PKP4: variants seen among roughly 807,000 people sequenced by gnomAD.
PKP4 encodes plakophilin-4.
Under a neutral mutation model 145.1 loss-of-function variants are expected in PKP4, and 90 were observed. The observed-to-expected ratio is 0.62, with a 90% confidence interval of 0.52 to 0.74. PKP4 has a LOEUF of 0.74. Among genes scored for constraint, PKP4 ranks in the 30% least tolerant of loss-of-function variants. The pLI is 0.00. For synonymous variants in PKP4, 563 were observed against 577.2 expected (o/e 0.98, Z 0.35); for missense variants, 1,340 against 1,482.7 (o/e 0.90, Z 1.58).
chr2:158,571,507 G>GT (rs2047405504), intron 2 of PKP4, among the ~76,000 whole-genome samples: 1 of 152,172 alleles, frequency 6.6e-6, no homozygotes, highest in African/African-American at 2.4e-5. Context: ...TGGGTTTGGG[G>GT]TGTGGAGGAA....
intron 11 of PKP4, among the ~76,000 whole-genome samples, chr2:158,645,387 C>T (rs567469186): frequency 4.6e-5 from 7 of 152,190 alleles, no homozygotes; most frequent in East Asian, 1.9e-4. Context: ...ACTGTGATTA[C>T]GCCCACAAAT....
intron 8 of PKP4, among the ~76,000 whole-genome samples, 200 bp downstream of exon 8, chr2:158,632,141 A>G (rs762024077): frequency 2.6e-5 from 4 of 152,348 alleles, no homozygotes; most frequent in East Asian, 1.9e-4. Flanking sequence ...TTACCTTAGT[A>G]CATTCTAATC....
intron 2 of PKP4, among the ~76,000 whole-genome samples, chr2:158,535,566 T>G (rs1439726420): frequency 6.6e-6 from 1 of 152,050 alleles, no homozygotes; most frequent in Non-Finnish European, 1.5e-5. Context: ...TGTGCTACCG[T>G]GCCCAGCTAA....
At chr2:158,663,140 AG>A (rs1402263253) in intron 14 of PKP4, 52 bp downstream of exon 14, 2 of 1,530,022 alleles carry the variant, frequency 1.3e-6, no homozygotes, top group Non-Finnish European at 1.8e-6. Context: ...TCTGGGAGTG[AG>A]GAATCACATA....
chr2:158,598,135 A>C (rs1558863292), intron 3 of PKP4, among the ~76,000 whole-genome samples: 1 of 152,192 alleles, frequency 6.6e-6, no homozygotes, highest in Non-Finnish European at 1.5e-5. Flanking sequence ...GATTTTTTTA[A>C]ATAAAGCAGT....
intron 1 of PKP4, among the ~76,000 whole-genome samples, chr2:158,479,009 T>C (rs539371692): frequency 6.6e-6 from 1 of 152,336 alleles, no homozygotes; most frequent in East Asian, 1.9e-4. Context: ...TCCCACCCAC[T>C]AAGTACTTCC....
intron 4 of PKP4, among the ~76,000 whole-genome samples, chr2:158,619,941 AC>A (rs2052035631): frequency 6.5e-5 from 3 of 46,332 alleles, no homozygotes; most frequent in Non-Finnish European, 1.8e-4. Context: ...ACACACACAC[AC>A]ACGCACACAC....
At chr2:158,501,360 C>T (rs1696533483) in intron 1 of PKP4, among the ~76,000 whole-genome samples, 1 of 152,192 alleles carries the variant, frequency 6.6e-6, no homozygotes, top group Non-Finnish European at 1.5e-5. Context: ...TAAAATGAAC[C>T]ATTTTATTTC....
At position 158,479,966 on chromosome 2, in the gene PKP4, T is replaced by C. The variant is rs573703795; in HGVS notation, c.-6+22748T>C. Among the ~76,000 whole-genome samples, 31 of 152,338 alleles carry C rather than the reference T, an allele frequency of 2.0e-4. No homozygotes were observed. The South Asian group carries it at 2.7e-3, about 13-fold the overall frequency. On this transcript the variant is annotated intron_variant, in intron 1 of 21. Coordinates refer to ENST00000389759, the MANE Select transcript of PKP4 (RefSeq NM_003628.6). Reference sequence around the variant, plus strand: ...GGGCTGCTCATGTGGCTTAAATGTTTGTATCCTTCGTCAGCTGAGGAGGAT... The same window carrying C: ...GGGCTGCTCATGTGGCTTAAATGTTCGTATCCTTCGTCAGCTGAGGAGGAT...
At chr2:158,664,177 T>C (rs1314763706) in intron 15 of PKP4, among the ~76,000 whole-genome samples, 7 of 152,094 alleles carry the variant, frequency 4.6e-5, no homozygotes, top group Non-Finnish European at 1.5e-5. Context: ...GAAGCAGGGA[T>C]TGGATTTGGG....
rs1693982206 is a variant in PKP4, at chr2:158,485,135, A to G, written c.-6+27917A>G. On this transcript the variant is annotated intron_variant, in intron 1 of 21. Transcript: ENST00000389759. ...GGCCTTTTGTGGCCCACCCTTCTCT[A>G]TAATTAGAATGTCCCAAGTGACAGC... 2.0e-5 allele frequency among the ~76,000 whole-genome samples: 3 copies of G among 152,144 alleles called. No individual in the cohort carries two copies. In the South Asian group the frequency reaches 6.2e-4, roughly 31 times the overall value.
rs78699834 is a variant in PKP4 at position 158,651,545 on chromosome 2, G to A, written c.1910-6586G>A. On this transcript the variant is annotated intron_variant, in intron 11 of 21. Transcript: ENST00000389759. Reference sequence around the variant, plus strand: ...CTGCCAGCCAGCTCCAGCATGTGCCGTCACCTCTTCTGCTTCTTTCCCAGG... The same window carrying A: ...CTGCCAGCCAGCTCCAGCATGTGCCATCACCTCTTCTGCTTCTTTCCCAGG... 4.5e-3 allele frequency among the ~76,000 whole-genome samples: 686 copies of A among 152,004 alleles called. 1 individual carries two copies. Among genetic ancestry groups the A allele is most frequent in the Middle Eastern group, 6.8e-3 (2 of 294 alleles).
chr2:158,501,482 C>T (rs1696554106), intron 1 of PKP4, among the ~76,000 whole-genome samples: 1 of 152,218 alleles, frequency 6.6e-6, no homozygotes, highest in South Asian at 2.1e-4. Context: ...TCTCTCCCTA[C>T]CCTGCACAGC....
intron 1 of PKP4, among the ~76,000 whole-genome samples, chr2:158,486,859 G>A (rs770549596): frequency 2.0e-5 from 3 of 152,186 alleles, no homozygotes; most frequent in African/African-American, 7.2e-5. Flanking sequence ...ACAATAAAAC[G>A]TGAGTCCAAT....
chr2:158,485,023 A>G (rs1559207697), intron 1 of PKP4, among the ~76,000 whole-genome samples: 2 of 152,192 alleles, frequency 1.3e-5, no homozygotes, highest in Non-Finnish European at 2.9e-5. Flanking sequence ...AAAAAGAAAA[A>G]GAAAACCATT....
Position 158,533,200 on chromosome 2 carries a change from C to G in PKP4, c.16C>G (p.Gln6Glu). 1.9e-6 allele frequency: 3 copies of G among 1,612,844 alleles called. No individual in the cohort carries two copies. The highest frequency in any genetic ancestry group is 2.5e-6 in the Non-Finnish European group (3 of 1,179,736). ...TGCAGGAGGAATGCCAGCTCCTGAG[C>G]AGGCCTCATTGGTGGAGGAGGGGCA... MPAPEQASLVEEGQPQ... is the reference protein window; with the variant it reads MPAPEEASLVEEGQPQ... Residue 6 changes from glutamine (Q) to glutamate (E), a missense_variant, in exon 2 of 22, where the codon CAG becomes GAG. By Grantham distance (29) the Gln-to-Glu change is conservative. Transcript: ENST00000389759.
rs1695730328 is a variant in PKP4 at position 158,496,469 on chromosome 2, T to TGGTA, written c.-5-36709_-5-36706dup. On this transcript the variant is annotated intron_variant, in intron 1 of 21. Transcript: ENST00000389759. ...TGAGTGTACTAAAAATCAAAAGTGG[T>TGGTA]GGTAGATCAGTCTCCTGTAAACATT... is the stretch of plus-strand genomic sequence containing the variant. Among the ~76,000 whole-genome samples, 5 of 152,296 alleles carry TGGTA rather than the reference T, an allele frequency of 3.3e-5. 1 individual carries two copies. In the Middle Eastern group the frequency reaches 0.01, roughly 311 times the overall value.
intron 1 of PKP4, among the ~76,000 whole-genome samples, chr2:158,473,463 C>G (rs10192838): frequency 0.91 from 139,025 of 152,276 alleles, 63,513 homozygotes; most frequent in East Asian, 0.98. Flanking sequence ...ATACACCGTG[C>G]AATACTATGC....
chr2:158,666,682 CCA>C (rs749580642), intron 16 of PKP4, 119 bp downstream of exon 16: 70 of 825,936 alleles, frequency 8.5e-5, no homozygotes, highest in African/African-American at 3.6e-5. Flanking sequence ...GCCCTAGTCT[CCA>C]GTTTCTTGGC....
Sources: allele counts gnomAD v4.1 joint callset (sites outside exome capture counted in the v4.1 genomes callset), GRCh38; gene constraint gnomAD v4.1.1; transcripts MANE v1.5; gene names NCBI Gene and HGNC (gene_info 2026-07-23, HGNC 2026-07-21).